Variants in B3GNT3 observed in about 807,000 individuals in gnomAD.
B3GNT3 encodes the protein N-acetyllactosaminide beta-1,3-N-acetylglucosaminyltransferase 3.
A neutral mutation model predicts 11.6 loss-of-function variants in B3GNT3; 7 were observed. The ratio of observed to expected loss-of-function variants is 0.60; its 90% CI spans 0.34 to 1.13. The LOEUF is 1.13. Among genes scored for constraint, B3GNT3 ranks in the 50% most tolerant of loss-of-function variants. The probability of loss-of-function intolerance (pLI) is 0.03; values close to 1 mark genes in which losing one functional copy is unlikely to be tolerated. For missense variants in B3GNT3, 400 were observed against 507.4 expected (o/e 0.79, Z 2.03); for synonymous variants, 201 against 222.1 (o/e 0.90, Z 0.85).
intron 2 of B3GNT3, among the ~76,000 whole-genome samples, chr19:17,808,723 A>C (rs971979377): frequency 5.9e-5 from 9 of 152,128 alleles, no homozygotes; most frequent in African/African-American, 2.2e-4. Context: ...AGTCCCACCC[A>C]CCTCTAAGGG....
intron 1 of B3GNT3, among the ~76,000 whole-genome samples, chr19:17,804,701 C>T (rs776315439): frequency 6.6e-6 from 1 of 151,626 alleles, no homozygotes; most frequent in Non-Finnish European, 1.5e-5. Context: ...TGAGCCACCA[C>T]GCCCTGCTAA....
chr19:17,806,823 G>A (rs571366541), intron 1 of B3GNT3, among the ~76,000 whole-genome samples: 2 of 151,912 alleles, frequency 1.3e-5, no homozygotes, highest in African/African-American at 4.8e-5. Context: ...GTGGTGGCGC[G>A]TGCCTGTAGT....
At chr19:17,809,416 AAAATT>A (rs897227131) in intron 2 of B3GNT3, among the ~76,000 whole-genome samples, 3 of 151,874 alleles carry the variant, frequency 2.0e-5, no homozygotes, top group African/African-American at 7.2e-5. Context: ...TTTTTCAAAA[AAAATT>A]TAATTAATTA....
intron 1 of B3GNT3, among the ~76,000 whole-genome samples, chr19:17,802,284 C>T (rs755294671): frequency 5.3e-5 from 8 of 152,134 alleles, no homozygotes; most frequent in East Asian, 1.9e-4. Context: ...TGAGGCAGAA[C>T]GTGTGCGGCA....
At chr19:17,802,237 A>G (rs1006843218) in intron 1 of B3GNT3, among the ~76,000 whole-genome samples, 7 of 152,118 alleles carry the variant, frequency 4.6e-5, no homozygotes, top group Admixed American at 3.3e-4. Context: ...ACGGGTGCCC[A>G]AGGCTTACTA....
In B3GNT3 at chr19:17,808,125, G is replaced by A. The variant is rs1460255893; in HGVS notation, c.318G>A (p.Pro106=). Residue 106 remains proline (P), a synonymous_variant, in exon 2 of 3, where the codon CCG becomes CCA. Transcript: ENST00000318683. ...TGCCCCCCTCTAAGTGCGCGCAGCCGGTCTTCCTGCTGCTGGTGATCAAGT... is the reference window on the plus strand; with the variant it reads ...TGCCCCCCTCTAAGTGCGCGCAGCCAGTCTTCCTGCTGCTGGTGATCAAGT... ...QDVPPSKCAQ[P]VFLLLVIKSS... 2.5e-6 allele frequency: 4 copies of A among 1,613,766 alleles called. No individual in the cohort carries two copies. Among genetic ancestry groups the A allele is most frequent in the South Asian group, 1.1e-5 (1 of 91,054 alleles).
In B3GNT3 at chr19:17,808,209, C is replaced by T; in HGVS notation, c.402C>T (p.Arg134=). 2 of 1,612,002 alleles carry T rather than the reference C, an allele frequency of 1.2e-6. No individual in the cohort carries two copies. Among genetic ancestry groups the T allele is most frequent in the Non-Finnish European group, 1.7e-6 (2 of 1,178,542 alleles). Residue 134 remains arginine (R), a synonymous_variant, in exon 2 of 3, where the codon CGC becomes CGT. Transcript: ENST00000318683. ...ELLRRTWGRE[R]KVRGLQLRLL... ...TGCGGCGCACGTGGGGCCGCGAGCGCAAGGTACGGGGTTTGCAGCTGCGCC... is the reference window on the plus strand; with the variant it reads ...TGCGGCGCACGTGGGGCCGCGAGCGTAAGGTACGGGGTTTGCAGCTGCGCC...
Position 17,807,760 on chromosome 19 carries a change from G to A in B3GNT3, c.-48G>A. ...TCAGTGAGTTTTGTTTTCCACAGGA[G>A]CCGCCCAGGAGGCTCCTCAGGCCGA... On this transcript the variant is annotated splice_region_variant and 5_prime_UTR_variant, in exon 2 of 3. Transcript: ENST00000318683. The A allele has an allele frequency of 6.5e-7, 1 of 1,536,734 alleles. No individual in the cohort carries two copies. The highest frequency in any genetic ancestry group is 8.8e-7 in the Non-Finnish European group (1 of 1,135,306).
chr19:17,810,266 G>A (rs748497919), intron 2 of B3GNT3, among the ~76,000 whole-genome samples: 3 of 151,884 alleles, frequency 2.0e-5, no homozygotes, highest in Non-Finnish European at 4.4e-5. Flanking sequence ...TGAGGTGGGC[G>A]GATCACTTGA....
chr19:17,801,884 T>C (rs185071122), intron 1 of B3GNT3, among the ~76,000 whole-genome samples: 230 of 152,276 alleles, frequency 1.5e-3, no homozygotes, highest in Non-Finnish European at 2.7e-3. Flanking sequence ...GGTCAGGAGT[T>C]TGAGACTAGC....
intron 1 of B3GNT3, among the ~76,000 whole-genome samples, chr19:17,805,286 A>AT (rs1420351880): frequency 6.6e-6 from 1 of 150,780 alleles, no homozygotes; most frequent in Non-Finnish European, 1.5e-5. Flanking sequence ...TTGGGTAGAG[A>AT]TGGGGTTTCA....
In B3GNT3 at chr19:17,807,983, C is replaced by A. The variant is rs747006158; in HGVS notation, c.176C>A (p.Ala59Asp). Residue 59 changes from alanine (A) to aspartate (D), a missense_variant, in exon 2 of 3, where the codon GCC becomes GAC. Transcript: ENST00000318683. The part of the protein sequence containing the change: ...WPTPPTRPAP[A>D]PCHANTSMVT... The stretch of plus-strand genomic sequence containing the variant: ...ACTCCACCCACCCGCCCAGCCCCGG[C>A]CCCGTGCCATGCCAACACCTCTATG... The A allele has an allele frequency of 6.2e-6, 10 of 1,606,184 alleles. No individual in the cohort carries two copies. The highest frequency in any genetic ancestry group is 8.5e-6 in the Non-Finnish European group (10 of 1,177,722).
chr19:17,809,674 C>G (rs960324465), intron 2 of B3GNT3, among the ~76,000 whole-genome samples: 2 of 151,868 alleles, frequency 1.3e-5, no homozygotes, highest in African/African-American at 4.8e-5. Flanking sequence ...GTCTCAAACT[C>G]CTGACCTCAA....
At position 17,807,960 on chromosome 19, in the gene B3GNT3, T is replaced by TCCCCCCCCCCCCCCC; in HGVS notation, c.155_156insCCCCCCCCCCCCCCC (p.Pro53_Thr54insProProProProPro). ...TCCCCGAGGCCCTGGCCTGGCCCAC[T>TCCCCCCCCCCCCCCC]CCACCCACCCGCCCAGCCCCGGCCC... is the stretch of plus-strand genomic sequence containing the variant. On this transcript the variant is annotated inframe_insertion, in exon 2 of 3. Coordinates refer to ENST00000318683, the MANE Select transcript of B3GNT3 (RefSeq NM_014256.4). 6.2e-7 allele frequency: 1 copy of TCCCCCCCCCCCCCCC among 1,609,548 alleles called. No homozygotes were observed. The highest frequency in any genetic ancestry group is 1.3e-5 in the African/African-American group (1 of 74,190).
At chr19:17,802,953 G>T (rs1363534529) in intron 1 of B3GNT3, among the ~76,000 whole-genome samples, 1 of 151,800 alleles carries the variant, frequency 6.6e-6, no homozygotes, top group Non-Finnish European at 1.5e-5. Context: ...GCCTCCTAAA[G>T]TGCAAGGATT....
At chr19:17,799,942 C>T (rs1436989825) in intron 1 of B3GNT3, among the ~76,000 whole-genome samples, 1 of 152,078 alleles carries the variant, frequency 6.6e-6, no homozygotes, top group African/African-American at 2.4e-5. Flanking sequence ...CAGGACATCC[C>T]CCGCCCCCTG....
chr19:17,796,783 A>T (rs2094159991), intron 1 of B3GNT3, among the ~76,000 whole-genome samples: 1 of 152,148 alleles, frequency 6.6e-6, no homozygotes, highest in Admixed American at 6.5e-5. Flanking sequence ...TCCAGGCCAG[A>T]GTTCAGGAAT....
chr19:17,796,180 T>G (rs2094159319), intron 1 of B3GNT3, among the ~76,000 whole-genome samples: 1 of 152,144 alleles, frequency 6.6e-6, no homozygotes, highest in African/African-American at 2.4e-5. Flanking sequence ...AGCCTCAACC[T>G]CCTGGGCTCA....
chr19:17,799,767 CCAGGCTGGTTA>C (rs1568389636), intron 1 of B3GNT3, among the ~76,000 whole-genome samples: 2 of 27,304 alleles, frequency 7.3e-5, no homozygotes, highest in African/African-American at 8.9e-4. Context: ...GAGCCAGCGA[CCAGGCTGGTTA>C]GGGGTATCCA....
Sources: gnomAD v4.1 joint callset for allele counts (sites outside exome capture counted in the v4.1 genomes callset) on GRCh38, gnomAD v4.1.1 for gene constraint, MANE v1.5 for transcripts, NCBI Gene and HGNC (gene_info 2026-07-23, HGNC 2026-07-21) for gene names.